PLCE1: variants seen among roughly 807,000 people sequenced by gnomAD.
The protein encoded by PLCE1 is 1-phosphatidylinositol 4,5-bisphosphate phosphodiesterase epsilon-1.
A neutral mutation model predicts 242.8 loss-of-function variants in PLCE1; 119 were observed. The observed-to-expected ratio is 0.49, with a 90% confidence interval of 0.42 to 0.57. The LOEUF (loss-of-function observed/expected upper bound fraction) is 0.57. Ranked by LOEUF, PLCE1 falls within the 20% of genes least tolerant of loss-of-function variation. The pLI, the probability that PLCE1 is intolerant of heterozygous loss-of-function variation, is 0.00. For synonymous variants in PLCE1, 945 were observed against 1,017.4 expected (o/e 0.93, Z 1.35); for missense variants, 2,441 against 2,788.8 (o/e 0.88, Z 2.81).
At chr10:94,131,711 C>G (rs1472195029) in intron 2 of PLCE1, among the ~76,000 whole-genome samples, 1 of 152,174 alleles carries the variant, frequency 6.6e-6, no homozygotes, top group Non-Finnish European at 1.5e-5. Flanking sequence ...TTCTCTTTCC[C>G]CATGACCCTC....
intron 3 of PLCE1, 145 bp downstream of exon 3, chr10:94,132,604 A>C: frequency 1.3e-6 from 1 of 780,910 alleles, no homozygotes; most frequent in South Asian, 1.5e-5. Context: ...GAATATAAAA[A>C]GGTGGTCCCT....
chr10:94,070,626 G>A (rs2044323496), intron 2 of PLCE1, among the ~76,000 whole-genome samples: 1 of 152,140 alleles, frequency 6.6e-6, no homozygotes, highest in Admixed American at 6.5e-5. Flanking sequence ...TTTTCAGCAT[G>A]GAGATACGCT....
intron 17 of PLCE1, among the ~76,000 whole-genome samples, chr10:94,269,381 G>A (rs2051641263): frequency 6.6e-6 from 1 of 152,058 alleles, no homozygotes; most frequent in South Asian, 2.1e-4. Context: ...CGGGATTACA[G>A]ACGTGAGCCA....
chr10:94,200,119 A>C (rs925509872), intron 4 of PLCE1, among the ~76,000 whole-genome samples: 3 of 152,218 alleles, frequency 2.0e-5, no homozygotes, highest in Non-Finnish European at 4.4e-5. Flanking sequence ...ATATATAAAC[A>C]AGTTAGTATA....
intron 19 of PLCE1, among the ~76,000 whole-genome samples, chr10:94,275,959 A>G (rs922594441): frequency 6.6e-6 from 1 of 152,186 alleles, no homozygotes; most frequent in Non-Finnish European, 1.5e-5. Context: ...CAGATTAACA[A>G]TGAATTTTAA....
At chr10:94,119,587 G>A (rs780143338) in intron 2 of PLCE1, among the ~76,000 whole-genome samples, 18 of 151,974 alleles carry the variant, frequency 1.2e-4, no homozygotes, top group Non-Finnish European at 1.9e-4. Flanking sequence ...CCTCAACCTT[G>A]CCCTAGCTAA....
At chr10:94,166,741 G>A (rs914634538) in intron 3 of PLCE1, among the ~76,000 whole-genome samples, 1 of 152,100 alleles carries the variant, frequency 6.6e-6, no homozygotes, top group African/African-American at 2.4e-5. Context: ...TAAGCAAAAT[G>A]TTTAACATTT....
At chr10:94,220,205 T>TACACACAC (rs113547850) in intron 4 of PLCE1, among the ~76,000 whole-genome samples, 43 of 147,128 alleles carry the variant, frequency 2.9e-4, no homozygotes, top group Non-Finnish European at 5.4e-4. Flanking sequence ...CACACACACA[T>TACACACAC]ACACACACAC....
chr10:94,013,948 A>T (rs72812649), intron 1 of PLCE1, among the ~76,000 whole-genome samples: 1 of 151,586 alleles, frequency 6.6e-6, no homozygotes, highest in East Asian at 1.9e-4. Flanking sequence ...TCCCATGTCC[A>T]TGGCCACCTA....
chr10:94,136,291 A>G (rs2046772497), intron 3 of PLCE1, among the ~76,000 whole-genome samples: 1 of 152,316 alleles, frequency 6.6e-6, no homozygotes, highest in South Asian at 2.1e-4. Context: ...GTTTTGCCAG[A>G]TGAAGAGTTC....
At chr10:94,128,005 T>TTTTTG (rs1486591698) in intron 2 of PLCE1, among the ~76,000 whole-genome samples, 1 of 151,152 alleles carries the variant, frequency 6.6e-6, no homozygotes, top group Non-Finnish European at 1.5e-5. Flanking sequence ...TTTTTTTTTT[T>TTTTTG]TGAGACTGAG....
intron 3 of PLCE1, among the ~76,000 whole-genome samples, chr10:94,144,297 C>G (rs764949380): frequency 1.3e-5 from 2 of 152,058 alleles, no homozygotes; most frequent in Non-Finnish European, 2.9e-5. Flanking sequence ...TGACTTATAC[C>G]AGTGTGTGTG....
At chr10:94,130,444 T>G (rs867875359) in intron 2 of PLCE1, among the ~76,000 whole-genome samples, 1 of 152,346 alleles carries the variant, frequency 6.6e-6, no homozygotes. Flanking sequence ...ATGTTTATCA[T>G]GGTGAATCCC....
intron 4 of PLCE1, among the ~76,000 whole-genome samples, chr10:94,192,863 G>A (rs2048711075): frequency 6.6e-6 from 1 of 151,830 alleles, no homozygotes; most frequent in African/African-American, 2.4e-5. Flanking sequence ...TTAAAAATCA[G>A]TCTACGGCCA....
intron 7 of PLCE1, among the ~76,000 whole-genome samples, chr10:94,243,512 A>G (rs1163574113): frequency 6.6e-6 from 1 of 152,234 alleles, no homozygotes; most frequent in Admixed American, 6.5e-5. Context: ...TGACACATAT[A>G]CCAGACTAAT....
chr10:94,178,160 T>C (rs574359247), intron 4 of PLCE1, among the ~76,000 whole-genome samples: 1 of 152,190 alleles, frequency 6.6e-6, no homozygotes, highest in African/African-American at 2.4e-5. Context: ...CACTCTTTTG[T>C]GTAACAGACA....
chr10:94,002,729 G>A (rs948583955), intron 1 of PLCE1, among the ~76,000 whole-genome samples: 3 of 152,104 alleles, frequency 2.0e-5, no homozygotes, highest in Admixed American at 6.5e-5. Context: ...TGAAGGAACC[G>A]GTCTCCTAAG....
intron 3 of PLCE1, among the ~76,000 whole-genome samples, chr10:94,158,854 C>CTTTTTTTTTTTTTTT (rs35760715): frequency 2.9e-4 from 32 of 111,572 alleles, no homozygotes; most frequent in Non-Finnish European, 4.3e-4. Context: ...TCTTCTTTTT[C>CTTTTTTTTTTTTTTT]TTTTTTTTTT....
intron 3 of PLCE1, among the ~76,000 whole-genome samples, chr10:94,158,851 T>C (rs985892789): frequency 1.5e-5 from 2 of 134,812 alleles, no homozygotes; most frequent in Non-Finnish European, 3.3e-5. Flanking sequence ...TCTTCTTCTT[T>C]TTCTTTTTTT....
Sources: allele counts gnomAD v4.1 joint callset (sites outside exome capture counted in the v4.1 genomes callset), GRCh38; gene constraint gnomAD v4.1.1; transcripts MANE v1.5; gene names NCBI Gene and HGNC (gene_info 2026-07-23, HGNC 2026-07-21).